The following NCK2 variants were observed in gnomAD, a reference collection of about 807,000 sequenced individuals.
NCK2 encodes the protein NCK adaptor protein 2.
NCK2 carries 16 observed loss-of-function variants against 33.9 expected under a neutral mutation model. The observed-to-expected ratio is 0.47, with a 90% CI of 0.32 to 0.72. The LOEUF is 0.72. NCK2 is among the 30% of genes least tolerant of loss of function. The pLI is 0.03. For synonymous variants in NCK2, 273 were observed against 239.9 expected (o/e 1.14, Z -1.27); for missense variants, 418 against 537.3 (o/e 0.78, Z 2.19).
At chr2:105,812,279 A>T (rs1445373718) in intron 1 of NCK2, among the ~76,000 whole-genome samples, 1 of 152,192 alleles carries the variant, frequency 6.6e-6, no homozygotes, top group Non-Finnish European at 1.5e-5. Flanking sequence ...ATCTCCTTGG[A>T]CACCTTTGAG....
chr2:105,851,199 C>T (rs1677050724), intron 2 of NCK2, among the ~76,000 whole-genome samples: 1 of 151,982 alleles, frequency 6.6e-6, no homozygotes, highest in Admixed American at 6.6e-5. Context: ...GAACAAAAAA[C>T]TGTAGGGGGT....
chr2:105,827,810 G>A (rs1184897580), intron 2 of NCK2, among the ~76,000 whole-genome samples: 1 of 152,244 alleles, frequency 6.6e-6, no homozygotes, highest in East Asian at 1.9e-4. Context: ...GGTGATGGTT[G>A]TCAGAAAGGG....
intron 3 of NCK2, among the ~76,000 whole-genome samples, chr2:105,865,751 G>A (rs1013738497): frequency 4.6e-5 from 7 of 152,074 alleles, no homozygotes; most frequent in Non-Finnish European, 8.8e-5. Context: ...CACATGTGCC[G>A]CTGCCGCATG....
chr2:105,794,706 TA>T (rs1338739292), intron 1 of NCK2, among the ~76,000 whole-genome samples: 2 of 151,492 alleles, frequency 1.3e-5, no homozygotes, highest in Non-Finnish European at 2.9e-5. Context: ...TTTATTTATT[TA>T]TTTATTTATT....
At chr2:105,833,666 AT>A (rs142774715) in intron 2 of NCK2, among the ~76,000 whole-genome samples, 5 of 151,472 alleles carry the variant, frequency 3.3e-5, no homozygotes, top group African/African-American at 9.7e-5. Flanking sequence ...GATTTTTTGC[AT>A]TTTTTTGGCC....
chr2:105,867,981 A>G (rs1677826992), intron 3 of NCK2, among the ~76,000 whole-genome samples: 2 of 152,182 alleles, frequency 1.3e-5, no homozygotes, highest in Admixed American at 6.5e-5. Flanking sequence ...CATATGTCCA[A>G]AATGTTCCTT....
intron 3 of NCK2, among the ~76,000 whole-genome samples, chr2:105,859,394 C>G (rs1677426432): frequency 6.6e-6 from 1 of 152,160 alleles, no homozygotes; most frequent in Admixed American, 6.5e-5. Context: ...GCCACCCTAC[C>G]TACCTGGGAC....
At chr2:105,755,218 A>G (rs567860086) in intron 1 of NCK2, among the ~76,000 whole-genome samples, 1 of 152,252 alleles carries the variant, frequency 6.6e-6, no homozygotes, top group Non-Finnish European at 1.5e-5. Flanking sequence ...TCTATTTTAC[A>G]TGGTTCGGTA....
At chr2:105,852,996 A>C (rs926751030) in intron 2 of NCK2, among the ~76,000 whole-genome samples, 7 of 152,160 alleles carry the variant, frequency 4.6e-5, no homozygotes, top group African/African-American at 1.7e-4. Context: ...ATTATTTATA[A>C]AAAAATTTTT....
At chr2:105,861,735 G>A (rs368197614) in intron 3 of NCK2, among the ~76,000 whole-genome samples, 1 of 151,840 alleles carries the variant, frequency 6.6e-6, no homozygotes, top group African/African-American at 2.4e-5. Context: ...GGCTGGTCTC[G>A]AACTCCTGAC....
At chr2:105,873,822 C>T (rs1678125346) in intron 3 of NCK2, among the ~76,000 whole-genome samples, 1 of 152,218 alleles carries the variant, frequency 6.6e-6, no homozygotes, top group South Asian at 2.1e-4. Context: ...TCTCCCTGCT[C>T]ACCTCTGCCC....
intron 1 of NCK2, among the ~76,000 whole-genome samples, chr2:105,750,338 C>A (rs1358594252): frequency 1.3e-5 from 2 of 152,152 alleles, no homozygotes; most frequent in African/African-American, 4.8e-5. Flanking sequence ...TTATTTATGA[C>A]CTTTTTTAAC....
At chr2:105,829,324 G>T (rs1006291227) in intron 2 of NCK2, among the ~76,000 whole-genome samples, 6 of 152,022 alleles carry the variant, frequency 3.9e-5, no homozygotes, top group African/African-American at 1.5e-4. Context: ...AACACTTTTA[G>T]ATTTACAGAA....
intron 3 of NCK2, among the ~76,000 whole-genome samples, chr2:105,877,707 A>G (rs1031945115): frequency 3.3e-5 from 5 of 152,200 alleles, no homozygotes; most frequent in Admixed American, 6.5e-5. Context: ...TATAGAAATC[A>G]TATTACAGAT....
intron 1 of NCK2, among the ~76,000 whole-genome samples, chr2:105,745,420 G>A (rs541965114): frequency 1.4e-3 from 211 of 151,966 alleles, no homozygotes; most frequent in South Asian, 5.0e-3. Context: ...AGCCAAGGGC[G>A]CGGGCGAGGA....
chr2:105,802,849 C>T (rs1674893825), intron 1 of NCK2, among the ~76,000 whole-genome samples: 1 of 151,574 alleles, frequency 6.6e-6, no homozygotes, highest in African/African-American at 2.4e-5. Context: ...TCTGGAATTC[C>T]CCTTTTTTGT....
chr2:105,767,296 G>A (rs780581009), intron 1 of NCK2, among the ~76,000 whole-genome samples: 1 of 152,218 alleles, frequency 6.6e-6, no homozygotes, highest in Non-Finnish European at 1.5e-5. Context: ...CTACTTGGAT[G>A]TCTGATATGA....
intron 3 of NCK2, among the ~76,000 whole-genome samples, chr2:105,857,968 C>A (rs1354860112): frequency 6.6e-6 from 1 of 151,972 alleles, no homozygotes; most frequent in African/African-American, 2.4e-5. Context: ...AGTGAGAATG[C>A]TTTCCATAGC....
At chr2:105,780,325 T>TATACACAC (rs1325025118) in intron 1 of NCK2, among the ~76,000 whole-genome samples, 38 of 147,474 alleles carry the variant, frequency 2.6e-4, no homozygotes, top group Admixed American at 3.4e-4. Flanking sequence ...GAGAGATATA[T>TATACACAC]ACACACACAC....
Sources: gnomAD v4.1 joint callset for allele counts (sites outside exome capture counted in the v4.1 genomes callset) on GRCh38, gnomAD v4.1.1 for gene constraint, MANE v1.5 for transcripts, NCBI Gene and HGNC (gene_info 2026-07-23, HGNC 2026-07-21) for gene names.